SMG5: variants seen among roughly 807,000 people sequenced by gnomAD.
SMG5 encodes the protein nonsense-mediated mRNA decay factor SMG5.
Under a neutral mutation model 122.9 loss-of-function variants are expected in SMG5, and 53 were observed. The ratio of observed to expected loss-of-function variants is 0.43; its 90% CI spans 0.35 to 0.54. The LOEUF (loss-of-function observed/expected upper bound fraction) is 0.54. Among genes scored for constraint, SMG5 ranks in the 20% least tolerant of loss-of-function variants. The pLI is 0.01. For missense variants in SMG5, 1,153 were observed against 1,285.6 expected (o/e 0.90, Z 1.58); for synonymous variants, 477 against 490.2 (o/e 0.97, Z 0.35).
At chr1:156,255,218 A>G (rs924743715) in intron 16 of SMG5, among the ~76,000 whole-genome samples, 3 of 151,966 alleles carry the variant, frequency 2.0e-5, no homozygotes, top group Non-Finnish European at 2.9e-5. Flanking sequence ...AGCCTGGCCA[A>G]CATGGTGAAA....
intron 10 of SMG5, among the ~76,000 whole-genome samples, chr1:156,267,074 C>T (rs1418204858): frequency 6.6e-6 from 1 of 152,182 alleles, no homozygotes; most frequent in African/African-American, 2.4e-5. Context: ...ACATCCAGTC[C>T]TATCCCTCCT....
chr1:156,265,354 C>T (rs185781931), intron 12 of SMG5, among the ~76,000 whole-genome samples: 54 of 152,122 alleles, frequency 3.5e-4, no homozygotes, highest in African/African-American at 1.1e-3. Flanking sequence ...CCTTAACAAA[C>T]GGTTGCTGCT....
chr1:156,273,261 A>C, intron 6 of SMG5, 100 bp downstream of exon 6: 1 of 895,574 alleles, frequency 1.1e-6, no homozygotes, highest in Non-Finnish European at 1.9e-6. Context: ...AATGAAGAGG[A>C]GCTGGGGAAA....
At chr1:156,255,383 AT>A (rs1661536011) in intron 16 of SMG5, among the ~76,000 whole-genome samples, 1 of 151,884 alleles carries the variant, frequency 6.6e-6, no homozygotes, top group Non-Finnish European at 1.5e-5. Context: ...TACTAAAAAT[AT>A]AAAAATTAGC....
chr1:156,285,588 T>C (rs1300153513), upstream of SMG5: 1 of 1,614,248 alleles, frequency 6.2e-7, no homozygotes, highest in East Asian at 2.2e-5. Flanking sequence ...GCCAACCTGC[T>C]GCCTGAGAAA....
intron 20 of SMG5, 55 bp downstream of exon 20, chr1:156,251,348 G>A (rs546190614): frequency 9.2e-5 from 145 of 1,576,900 alleles, no homozygotes; most frequent in South Asian, 6.2e-4. Context: ...AGGAATGCTC[G>A]TGGAGGAGCA....
upstream of SMG5, among the ~76,000 whole-genome samples, chr1:156,283,761 A>T (rs186101181): frequency 1.3e-3 from 193 of 152,168 alleles, no homozygotes; most frequent in Admixed American, 3.1e-3. Flanking sequence ...TTTCCCATCC[A>T]TTGGTCTTTC....
chr1:156,265,765 G>T lies in SMG5; in HGVS notation c.1855+16C>A. On this transcript the variant is annotated intron_variant, in intron 12 of 21. Coordinates refer to ENST00000361813, the MANE Select transcript of SMG5 (RefSeq NM_015327.3). ...GAGGTGCGGACCAGAACAGGATGAT[G>T]AAGTGGTCCAAATACCTGGCTCTGA... 1 of 1,609,100 alleles carries T rather than the reference G, an allele frequency of 6.2e-7. No individual in the cohort carries two copies. Among genetic ancestry groups the T allele is most frequent in the Non-Finnish European group, 8.5e-7 (1 of 1,177,194 alleles).
intron 4 of SMG5, 96 bp downstream of exon 4, chr1:156,276,989 G>T: frequency 1.6e-6 from 2 of 1,266,446 alleles, no homozygotes; most frequent in East Asian, 2.4e-5. Flanking sequence ...AACTCTCTCT[G>T]CCTGGCTGGG....
intron 16 of SMG5, among the ~76,000 whole-genome samples, chr1:156,254,681 G>A (rs1558232799): frequency 6.6e-6 from 1 of 152,090 alleles, no homozygotes; most frequent in Non-Finnish European, 1.5e-5. Flanking sequence ...TGAGGCTCAA[G>A]CAATCTGCCC....
chr1:156,255,086 G>A (rs1024499290), intron 16 of SMG5, among the ~76,000 whole-genome samples: 44 of 150,760 alleles, frequency 2.9e-4, no homozygotes, highest in African/African-American at 7.8e-4. Flanking sequence ...GCAAGACTCC[G>A]TCTCAAAATA....
In SMG5 at chr1:156,273,364, T is replaced by C. The variant is rs748786621; in HGVS notation, c.631A>G (p.Ile211Val). ...YYQALSVAPQ[I>V]GMPFNQLGTL... ...GCCCAAGTTGGGGACAACTTACCAA[T>C]CTGAGGAGCTACTGACAGGGCTTGG... The change falls in exon 6 of 22, where the codon ATT (isoleucine) becomes GTT (valine). Residue 211 changes from isoleucine to valine, a missense_variant. Ile to Val is a conservative substitution (Grantham distance 29). Coordinates refer to ENST00000361813, the MANE Select transcript of SMG5 (RefSeq NM_015327.3). 6 of 1,613,174 alleles carry C rather than the reference T, an allele frequency of 3.7e-6. No individual in the cohort carries two copies. The highest frequency in any genetic ancestry group is 1.1e-5 in the South Asian group (1 of 91,038).
the SMG5 span, chr1:156,291,474 T>TA: frequency 1.2e-6 from 2 of 1,613,664 alleles, no homozygotes; most frequent in Non-Finnish European, 1.7e-6. Flanking sequence ...TCGATGCTGA[T>TA]GTGGAACCTC....
chr1:156,277,361 A>C, intron 3 of SMG5, 120 bp from the exon 4 acceptor site: 1 of 1,132,188 alleles, frequency 8.8e-7, no homozygotes, highest in Non-Finnish European at 1.2e-6. Flanking sequence ...TCTCACTCAC[A>C]AGTTACTGTC....
At position 156,250,894 on chromosome 1, in the gene SMG5, T is replaced by C. The variant is rs1228235715; in HGVS notation, c.2931A>G (p.Pro977=). 1 of 1,613,848 alleles carries C rather than the reference T, an allele frequency of 6.2e-7. No homozygotes were observed. Among genetic ancestry groups the C allele is most frequent in the Non-Finnish European group, 8.5e-7 (1 of 1,179,852 alleles). The change falls in exon 21 of 22, where the codon CCA becomes CCG. Residue 977 remains proline (P), a synonymous_variant. Coordinates refer to ENST00000361813, the MANE Select transcript of SMG5 (RefSeq NM_015327.3). ...CTGAAAGCACGCTGGGGTTGTCCAG[T>C]GGAAGGCCTGTGATGATGGTCACCA... ...SGMVTIITGL[P]LDNPSVLSGP...
intron 13 of SMG5, among the ~76,000 whole-genome samples, chr1:156,261,682 G>A (rs1661845277): frequency 6.6e-6 from 1 of 152,082 alleles, no homozygotes; most frequent in Non-Finnish European, 1.5e-5. Context: ...GAGGTCAGGA[G>A]TTGGAGACCA....
At chr1:156,290,107 C>A in the SMG5 span, 1 of 152,024 alleles carries the variant, frequency 6.6e-6, no homozygotes, top group African/African-American at 2.4e-5. Context: ...AATGAGAAAA[C>A]CATTTTTATA....
At chr1:156,270,554 T>C (rs551755563) in intron 7 of SMG5, among the ~76,000 whole-genome samples, 9 of 152,174 alleles carry the variant, frequency 5.9e-5, no homozygotes, top group African/African-American at 2.2e-4. Context: ...TGAGAGAGAA[T>C]TGTTTTAGCA....
Position 156,265,995 on chromosome 1 carries a change from C to T in SMG5, c.1641G>A (p.Glu547=). The T allele has an allele frequency of 1.2e-6, 2 of 1,614,222 alleles. No individual in the cohort carries two copies. Among genetic ancestry groups the T allele is most frequent in the Non-Finnish European group, 1.7e-6 (2 of 1,180,042 alleles). The change falls in exon 12 of 22, where the codon GAG becomes GAA. Residue 547 remains glutamate, a synonymous_variant. Coordinates refer to ENST00000361813, the MANE Select transcript of SMG5 (RefSeq NM_015327.3). ...GTGGGCCATTGAGGGAATCGGGAGC[C>T]TCTGATCTGCCCCGAGGGGGCTCCA... The part of the protein sequence containing the change: ...PTLEPPRGRS[E]APDSLNGPLG...
Sources: gnomAD v4.1 joint callset for allele counts (sites outside exome capture counted in the v4.1 genomes callset) on GRCh38, gnomAD v4.1.1 for gene constraint, MANE v1.5 for transcripts, NCBI Gene and HGNC (gene_info 2026-07-23, HGNC 2026-07-21) for gene names.